The following GRIN2B variants were observed in gnomAD, a reference collection of about 807,000 sequenced individuals.
GRIN2B encodes the protein glutamate receptor ionotropic, NMDA 2B.
In GRIN2B, 5 loss-of-function variants were observed where a neutral mutation model predicts 114.5. The ratio of observed to expected loss-of-function variants is 0.04; its 90% confidence interval spans 0.02 to 0.09. The LOEUF is 0.09. GRIN2B is among the 10% of genes least tolerant of loss of function. GRIN2B has a pLI of 1.00. For missense variants in GRIN2B, 1,108 were observed against 1,943.5 expected (o/e 0.57, Z 8.08); for synonymous variants, 787 against 745.1 (o/e 1.06, Z -0.92).
chr12:13,768,909 C>T (rs187650042), intron 3 of GRIN2B, among the ~76,000 whole-genome samples: 208 of 152,196 alleles, frequency 1.4e-3, no homozygotes, highest in African/African-American at 4.6e-3. Context: ...TGGCAGGCGC[C>T]GGTAGCCCCA....
intron 4 of GRIN2B, among the ~76,000 whole-genome samples, chr12:13,677,831 CA>C (rs1950090290): frequency 6.6e-6 from 1 of 152,054 alleles, no homozygotes; most frequent in Non-Finnish European, 1.5e-5. Context: ...GAGAGTTTCT[CA>C]AGTATTTGAA....
chr12:13,855,551 G>A (rs946169897), intron 3 of GRIN2B, among the ~76,000 whole-genome samples: 1 of 152,178 alleles, frequency 6.6e-6, no homozygotes, highest in Non-Finnish European at 1.5e-5. Flanking sequence ...CTCTAGGGGA[G>A]ATTCCTTCCT....
intron 2 of GRIN2B, among the ~76,000 whole-genome samples, chr12:13,898,509 C>T (rs893088599): frequency 6.6e-6 from 1 of 152,182 alleles, no homozygotes; most frequent in Admixed American, 6.5e-5. Flanking sequence ...CACTATGTGG[C>T]CAGATCATCC....
At chr12:13,841,029 G>A (rs761224966) in intron 3 of GRIN2B, among the ~76,000 whole-genome samples, 1 of 152,152 alleles carries the variant, frequency 6.6e-6, no homozygotes, top group Non-Finnish European at 1.5e-5. Context: ...TATTGGAGCA[G>A]CATGAGATTC....
intron 8 of GRIN2B, among the ~76,000 whole-genome samples, chr12:13,614,239 A>C (rs1403376130): frequency 6.6e-6 from 1 of 152,162 alleles, no homozygotes; most frequent in Admixed American, 6.5e-5. Context: ...TTAATTCCCT[A>C]TGGTTAGAGC....
chr12:13,806,061 C>T lies in GRIN2B; in HGVS notation c.412-52146G>A, dbSNP rs1364111837. Among the ~76,000 whole-genome samples the T allele has an allele frequency of 1.3e-5, 2 of 152,128 alleles. 1 individual carries two copies. The highest frequency in any genetic ancestry group is 3.8e-4 in the East Asian group (2 of 5,200). ...CATGTTATTGTAAATGACACAACTTCCTTCTTTTTTAAGACTGAATAGTAT... is the reference window on the plus strand; with the variant it reads ...CATGTTATTGTAAATGACACAACTTTCTTCTTTTTTAAGACTGAATAGTAT... On this transcript the variant is annotated intron_variant, in intron 3 of 13. Transcript: ENST00000609686.
At chr12:13,633,732 T>C (rs1281144041) in intron 5 of GRIN2B, among the ~76,000 whole-genome samples, 1 of 152,220 alleles carries the variant, frequency 6.6e-6, no homozygotes, top group African/African-American at 2.4e-5. Context: ...TTATGTCTCA[T>C]AATAGTTAAT....
chr12:13,604,380 T>A (rs771219631), intron 10 of GRIN2B, among the ~76,000 whole-genome samples: 16 of 152,224 alleles, frequency 1.1e-4, no homozygotes, highest in African/African-American at 3.9e-4. Context: ...TGAGTACATT[T>A]TTTTCTGCAA....
chr12:13,558,069 T>G lies in GRIN2B; in HGVS notation c.*4714A>C, dbSNP rs1379270932. 6.6e-6 allele frequency: 1 copy of G among 152,186 alleles called. No individual in the cohort carries two copies. Among genetic ancestry groups the G allele is most frequent in the Admixed American group, 6.5e-5 (1 of 15,276 alleles). The allele number at this position is 152,186 out of a possible 1,614,324, so 9.4% of individuals were successfully genotyped here. A position where few individuals can be genotyped will look rare whatever the true frequency, so the allele number is the denominator to read the frequency against. On this transcript the variant is annotated 3_prime_UTR_variant, in exon 14 of 14. Transcript: ENST00000609686. ...ACCCATCCCAGTGTGACTATTCACT[T>G]TCAGCTGCTTCTCCTCCATGAAGAG...
At chr12:13,831,213 T>A (rs1185861638) in intron 3 of GRIN2B, among the ~76,000 whole-genome samples, 1 of 152,238 alleles carries the variant, frequency 6.6e-6, no homozygotes, top group Admixed American at 6.5e-5. Context: ...CCATGCTTCA[T>A]GTACAGCCTG....
At chr12:13,830,893 G>T (rs1025655607) in intron 3 of GRIN2B, among the ~76,000 whole-genome samples, 5 of 152,320 alleles carry the variant, frequency 3.3e-5, no homozygotes, top group Admixed American at 3.3e-4. Context: ...AAATGCAAGT[G>T]CTGTAGTTTG....
intron 2 of GRIN2B, among the ~76,000 whole-genome samples, chr12:13,938,350 A>G (rs952424721): frequency 4.6e-5 from 7 of 152,190 alleles, no homozygotes; most frequent in Non-Finnish European, 1.0e-4. Context: ...ATAAAGGAAT[A>G]TATGGGTTAA....
intron 4 of GRIN2B, among the ~76,000 whole-genome samples, chr12:13,682,288 A>T (rs1351916930): frequency 1.3e-5 from 2 of 152,206 alleles, no homozygotes; most frequent in Non-Finnish European, 2.9e-5. Flanking sequence ...GATATGTCAT[A>T]TATAAAAATA....
chr12:13,549,316 C>G lies in GRIN2B; in HGVS notation c.*13467G>C, dbSNP rs1257581180. ...TTAATTTTGGAGCCCCCATGCTTCC[C>G]TTTCTTCAGGATTTTGGCAGGCAGT... On this transcript the variant is annotated 3_prime_UTR_variant, in exon 14 of 14. Transcript: ENST00000609686. 3 of 152,136 alleles carry G rather than the reference C, an allele frequency of 2.0e-5. No individual in the cohort carries two copies. The highest frequency in any genetic ancestry group is 2.9e-5 in the Non-Finnish European group (2 of 68,022). 9.4% of individuals were successfully genotyped at this position (152,136 alleles called of 1,614,324 possible). A position where few individuals can be genotyped will look rare whatever the true frequency, so the allele number is the denominator to read the frequency against.
At position 13,559,597 on chromosome 12, in the gene GRIN2B, A is replaced by AG. The variant is rs2136397370; in HGVS notation, c.*3185dup. 6.6e-6 allele frequency: 1 copy of AG among 152,356 alleles called. No homozygotes were observed. The highest frequency in any genetic ancestry group is 2.4e-5 in the African/African-American group (1 of 41,578). 9.4% of individuals were successfully genotyped at this position (152,356 alleles called of 1,614,324 possible). The stretch of plus-strand genomic sequence containing the variant: ...AAACCTAACTTCAGCAATCTTGCTA[A>AG]GGGAATCATCTCACCACTGAGTTTC... On this transcript the variant is annotated 3_prime_UTR_variant, in exon 14 of 14. Coordinates refer to ENST00000609686, the MANE Select transcript of GRIN2B (RefSeq NM_000834.5).
At chr12:13,745,062 A>C (rs887949732) in intron 4 of GRIN2B, among the ~76,000 whole-genome samples, 5 of 152,124 alleles carry the variant, frequency 3.3e-5, no homozygotes, top group African/African-American at 1.2e-4. Flanking sequence ...GAGGAAACGA[A>C]GAGAAAGACT....
intron 2 of GRIN2B, among the ~76,000 whole-genome samples, chr12:13,918,078 T>A (rs114045019): frequency 0.013 from 1,912 of 152,274 alleles, 45 homozygotes; most frequent in African/African-American, 0.043. Context: ...GCCCTGGACT[T>A]GGCATCAGAC....
intron 5 of GRIN2B, among the ~76,000 whole-genome samples, chr12:13,631,542 A>T (rs1949615638): frequency 6.6e-6 from 1 of 152,156 alleles, no homozygotes; most frequent in African/African-American, 2.4e-5. Flanking sequence ...AAAAAGAAAA[A>T]TACTCAGTGT....
chr12:13,587,365 T>C (rs1214356750), intron 10 of GRIN2B, among the ~76,000 whole-genome samples: 1 of 150,822 alleles, frequency 6.6e-6, no homozygotes, highest in East Asian at 1.9e-4. Flanking sequence ...TTTTGTATTG[T>C]TTTTGTTTTT....
Sources: gnomAD v4.1 joint callset for allele counts (sites outside exome capture counted in the v4.1 genomes callset) on GRCh38, gnomAD v4.1.1 for gene constraint, MANE v1.5 for transcripts, NCBI Gene and HGNC (gene_info 2026-07-23, HGNC 2026-07-21) for gene names.